CHRNA7: variants seen among roughly 807,000 people sequenced by gnomAD.
CHRNA7 encodes the protein cholinergic receptor nicotinic alpha 7 subunit.
Under a neutral mutation model 48.0 loss-of-function variants are expected in CHRNA7, and 17 were observed. The ratio of observed to expected loss-of-function variants is 0.35; its 90% CI spans 0.24 to 0.53. The LOEUF is 0.53. Among genes scored for constraint, CHRNA7 ranks in the 20% least tolerant of loss-of-function variants. CHRNA7 has a pLI of 0.92. For synonymous variants in CHRNA7, 75 were observed against 242.3 expected, an observed-to-expected ratio of 0.31 and a Z score of 6.41; for missense variants, 155 against 577.7, an observed-to-expected ratio of 0.27 and a Z score of 7.50.
At chr15:32,125,769 G>A (rs745974172) in intron 4 of CHRNA7, among the ~76,000 whole-genome samples, 5 of 152,162 alleles carry the variant, frequency 3.3e-5, no homozygotes, top group Non-Finnish European at 5.9e-5. Context: ...CAGGTGTGGA[G>A]TACAGCTCAG....
chr15:32,142,467 A>G (rs920343451), intron 4 of CHRNA7, among the ~76,000 whole-genome samples: 1 of 152,100 alleles, frequency 6.6e-6, no homozygotes, highest in Non-Finnish European at 1.5e-5. Context: ...CTCTTTTTCT[A>G]TTGATTGGAA....
chr15:32,058,561 G>T (rs1224647460), intron 2 of CHRNA7, among the ~76,000 whole-genome samples: 2 of 152,098 alleles, frequency 1.3e-5, no homozygotes, highest in Non-Finnish European at 2.9e-5. Flanking sequence ...GAAACTTAGT[G>T]TTAGAGTGCT....
chr15:32,150,701 G>C (rs1215549894), intron 4 of CHRNA7, among the ~76,000 whole-genome samples: 2 of 152,086 alleles, frequency 1.3e-5, no homozygotes, highest in African/African-American at 4.8e-5. Context: ...AAATATTGGA[G>C]GTAAATATTT....
At chr15:32,073,151 A>C (rs989046161) in intron 2 of CHRNA7, among the ~76,000 whole-genome samples, 1 of 152,236 alleles carries the variant, frequency 6.6e-6, no homozygotes, top group Non-Finnish European at 1.5e-5. Context: ...CCACAGGGTC[A>C]GAGCTTTCCA....
At chr15:32,139,692 C>T (rs543450584) in intron 4 of CHRNA7, among the ~76,000 whole-genome samples, 1 of 151,966 alleles carries the variant, frequency 6.6e-6, no homozygotes, top group South Asian at 2.1e-4. Context: ...GTCTTTGGCC[C>T]ATTATTTTAA....
chr15:32,135,703 C>A (rs1406308547), intron 4 of CHRNA7, among the ~76,000 whole-genome samples: 1 of 152,088 alleles, frequency 6.6e-6, no homozygotes, highest in Non-Finnish European at 1.5e-5. Flanking sequence ...GAAAAACATA[C>A]ATCCTCAGCT....
At chr15:32,093,718 T>G (rs2141249431) in intron 2 of CHRNA7, among the ~76,000 whole-genome samples, 1 of 152,310 alleles carries the variant, frequency 6.6e-6, no homozygotes, top group South Asian at 2.1e-4. Context: ...TTCCATCTTG[T>G]CATCATGGGT....
intron 1 of CHRNA7, 44 bp from the exon 2 acceptor site, chr15:32,030,853 CG>C (rs757125104): frequency 2.5e-6 from 4 of 1,596,332 alleles, no homozygotes; most frequent in Non-Finnish European, 2.6e-6. Context: ...GGGGTACCCC[CG>C]CCGGCCTGCC....
At chr15:32,148,419 C>G (rs1418149657) in intron 4 of CHRNA7, among the ~76,000 whole-genome samples, 1 of 152,146 alleles carries the variant, frequency 6.6e-6, no homozygotes, top group African/African-American at 2.4e-5. Flanking sequence ...GTTGAGGCCT[C>G]CCGTGCTCAG....
chr15:32,145,129 C>T (rs1386564817), intron 4 of CHRNA7, among the ~76,000 whole-genome samples: 2 of 152,196 alleles, frequency 1.3e-5, no homozygotes, highest in South Asian at 4.1e-4. Flanking sequence ...GATGTTGATG[C>T]TATTCCTTTC....
At chr15:32,072,022 A>C (rs1453764952) in intron 2 of CHRNA7, among the ~76,000 whole-genome samples, 2 of 152,164 alleles carry the variant, frequency 1.3e-5, no homozygotes, top group East Asian at 3.9e-4. Context: ...GATTAGGGAA[A>C]GTTTGGAACT....
chr15:32,119,501 G>C (rs1221751480), intron 4 of CHRNA7, among the ~76,000 whole-genome samples: 1 of 152,240 alleles, frequency 6.6e-6, no homozygotes, highest in Non-Finnish European at 1.5e-5. Context: ...AGGGTTCAGA[G>C]AGAGGGTCAG....
At position 32,031,056 on chromosome 15, in the gene CHRNA7, C is replaced by T; in HGVS notation, c.195+19C>T. 6.2e-7 allele frequency: 1 copy of T among 1,613,534 alleles called. No individual in the cohort carries two copies. Among genetic ancestry groups the T allele is most frequent in the East Asian group, 2.2e-5 (1 of 44,858 alleles). On this transcript the variant is annotated intron_variant, in intron 2 of 9. Transcript: ENST00000306901. ...GGACGTGGTGAGTCCCGCCTGGCTA[C>T]AGGGCTGCCCTCTCCCCTTCCTGGG...
intron 4 of CHRNA7, among the ~76,000 whole-genome samples, chr15:32,140,119 G>A (rs946386443): frequency 7.2e-6 from 1 of 139,824 alleles, no homozygotes; most frequent in Non-Finnish European, 1.5e-5. Flanking sequence ...TCCCTGCCCT[G>A]TGTCCATGTG....
At chr15:32,083,180 A>T (rs1407741706) in intron 2 of CHRNA7, among the ~76,000 whole-genome samples, 3 of 152,174 alleles carry the variant, frequency 2.0e-5, no homozygotes, top group Non-Finnish European at 4.4e-5. Flanking sequence ...GCCTAATAGG[A>T]GGTGATTAGC....
intron 2 of CHRNA7, among the ~76,000 whole-genome samples, chr15:32,048,162 G>A (rs2049590018): frequency 6.6e-6 from 1 of 152,144 alleles, no homozygotes; most frequent in Admixed American, 6.5e-5. Context: ...CTCAGCTTTG[G>A]TATCAGAATG....
At chr15:32,126,506 G>A (rs1317618284) in intron 4 of CHRNA7, among the ~76,000 whole-genome samples, 1 of 152,166 alleles carries the variant, frequency 6.6e-6, no homozygotes, top group Non-Finnish European at 1.5e-5. Context: ...AAGATGGGTA[G>A]CCACGACACA....
chr15:32,151,035 T>C (rs893047716), intron 4 of CHRNA7, among the ~76,000 whole-genome samples: 5 of 151,844 alleles, frequency 3.3e-5, no homozygotes, highest in African/African-American at 9.7e-5. Flanking sequence ...TTCCCCCTTA[T>C]CCCCCTTTCT....
At chr15:32,040,286 G>A (rs2049424285) in intron 2 of CHRNA7, among the ~76,000 whole-genome samples, 1 of 151,826 alleles carries the variant, frequency 6.6e-6, no homozygotes, top group Non-Finnish European at 1.5e-5. Context: ...ATTTGTTACT[G>A]ATTTTTTTGT....
Sources: allele counts gnomAD v4.1 joint callset (sites outside exome capture counted in the v4.1 genomes callset), GRCh38; gene constraint gnomAD v4.1.1; transcripts MANE v1.5; gene names NCBI Gene and HGNC (gene_info 2026-07-23, HGNC 2026-07-21).